TARS2: variants seen among roughly 807,000 people sequenced by gnomAD.
TARS2 encodes threonyl-tRNA synthetase 2, mitochondrial, also known as threonine--tRNA ligase, mitochondrial.
Under a neutral mutation model 94.4 loss-of-function variants are expected in TARS2, and 61 were observed. The ratio of observed to expected loss-of-function variants is 0.65; its 90% CI spans 0.53 to 0.80. TARS2 has a LOEUF of 0.80. Among genes scored for constraint, TARS2 ranks in the 30% least tolerant of loss-of-function variants. The pLI is 0.00. For missense variants in TARS2, 704 were observed against 902.5 expected, an observed-to-expected ratio of 0.78 and a Z score of 2.82; for synonymous variants, 359 against 353.4, an observed-to-expected ratio of 1.02 and a Z score of -0.18.
chr1:150,507,129 C>T lies in TARS2; in HGVS notation c.*65C>T, dbSNP rs114293104. On this transcript the variant is annotated 3_prime_UTR_variant, in exon 18 of 18. Transcript: ENST00000369064. ...TCAGCCTCCCTCACATGGGAGACCC[C>T]AACCCAGCTGACAATGTGGAGCCCC... 31,569 of 1,593,442 alleles carry T rather than the reference C, an allele frequency of 0.02. 356 individuals are homozygous for T. Among genetic ancestry groups the T allele is most frequent in the Non-Finnish European group, 0.024 (27,785 of 1,167,818 alleles).
In TARS2 at chr1:150,487,478, C is replaced by A; in HGVS notation, c.28C>A (p.Leu10Ile). Residue 10 changes from leucine (L) to isoleucine (I), a missense_variant, in exon 1 of 18, where the codon CTC (leucine) becomes ATC (isoleucine). Around this residue, in one of 3 missense-constraint regions of TARS2, gnomAD observed 208 missense variants for 228.5 expected, o/e 0.91. Transcript: ENST00000369064. MALYQRWRC[L>I]RLQGLQACRL... is the part of the protein sequence containing the mutation. The stretch of plus-strand genomic sequence containing the variant: ...GGCCCTGTATCAGAGGTGGCGGTGT[C>A]TCCGGCTCCAAGGTTTACAGGCTTG... 6.2e-7 allele frequency: 1 copy of A among 1,614,242 alleles called. No individual in the cohort carries two copies. The highest frequency in any genetic ancestry group is 8.5e-7 in the Non-Finnish European group (1 of 1,180,046).
At chr1:150,504,499 G>T in intron 14 of TARS2, 64 bp downstream of exon 14, 1 of 1,596,010 alleles carries the variant, frequency 6.3e-7, no homozygotes, top group East Asian at 2.2e-5. Flanking sequence ...TTCTGCCTTT[G>T]GCCCTAAAAA....
chr1:150,501,351 T>C (rs1669911404), intron 13 of TARS2, among the ~76,000 whole-genome samples: 1 of 132,942 alleles, frequency 7.5e-6, no homozygotes, highest in African/African-American at 2.8e-5. Context: ...TATGTCTCGC[T>C]CTGCTGCCCA....
intron 7 of TARS2, among the ~76,000 whole-genome samples, chr1:150,493,378 G>A (rs972304488): frequency 2.0e-5 from 3 of 152,128 alleles, no homozygotes; most frequent in Non-Finnish European, 2.9e-5. Flanking sequence ...AAGGGTTGTA[G>A]AGAGAGGGGG....
rs763969639 is a variant in TARS2 at position 150,504,618 on chromosome 1, T to C, written c.1719-14T>C. On this transcript the variant is annotated splice_polypyrimidine_tract_variant and intron_variant, in intron 14 of 17. Transcript: ENST00000369064. ...TTCCACCATTCCATCCACCCCCCCC[T>C]TTTTCCTTTCAAGGCAGGCGGGTGC... 23 of 1,581,934 alleles carry C rather than the reference T, an allele frequency of 1.5e-5. No individual in the cohort carries two copies. The highest frequency in any genetic ancestry group is 1.8e-5 in the Non-Finnish European group (21 of 1,153,216).
rs376778209 is a variant in TARS2 at position 150,498,985 on chromosome 1, G to A, written c.1490G>A (p.Arg497Gln). 10 of 1,614,142 alleles carry A rather than the reference G, an allele frequency of 6.2e-6. No individual in the cohort carries two copies. The highest frequency in any genetic ancestry group is 4.0e-5 in the African/African-American group (3 of 75,012). The change falls in exon 12 of 18, where the codon CGG (arginine) becomes CAG (glutamine). Residue 497 changes from arginine (R) to glutamine (Q), a missense_variant. By Grantham distance (43) the Arg-to-Gln change is conservative. This residue lies in a region of TARS2 where 466 missense variants were observed against 609.5 expected (regional missense o/e 0.76). Coordinates refer to ENST00000369064, the MANE Select transcript of TARS2 (RefSeq NM_025150.5). ...GFSFRLALST[R>Q]PSGFLGDPCL... ...TCCTTCCGCCTGGCACTGTCCACCC[G>A]GCCATCTGGCTTCCTGGGGGACCCT...
chr1:150,501,364 C>A (rs1669912250), intron 13 of TARS2, among the ~76,000 whole-genome samples: 2 of 121,262 alleles, frequency 1.6e-5, no homozygotes, highest in African/African-American at 3.2e-5. Context: ...GCTGCCCAGG[C>A]TGGAGTGCAG....
chr1:150,501,174 C>T (rs1011795036), intron 13 of TARS2, among the ~76,000 whole-genome samples: 2 of 151,758 alleles, frequency 1.3e-5, no homozygotes, highest in Admixed American at 1.3e-4. Flanking sequence ...TGTGCAGTGG[C>T]CCCCTCTTGT....
Position 150,490,716 on chromosome 1 carries a change from G to C in TARS2, c.503G>C (p.Gly168Ala), listed in dbSNP as rs748090536. Residue 168 changes from glycine (G) to alanine (A), a missense_variant, in exon 4 of 18, where the codon GGA becomes GCA. Transcript: ENST00000369064. ...GGCTTTTACCATGATTTCTTCCTGG[G>C]AAAGGAGAGGTGAGTAATGAAAGGA... is the stretch of plus-strand genomic sequence containing the variant. Reference protein sequence around the residue: ...EYGFYHDFFLGKERTIRGSEL... With the variant: ...EYGFYHDFFLAKERTIRGSEL... 1 of 1,613,740 alleles carries C rather than the reference G, an allele frequency of 6.2e-7. No individual in the cohort carries two copies. The highest frequency in any genetic ancestry group is 8.5e-7 in the Non-Finnish European group (1 of 1,179,966).
chr1:150,490,466 G>C (rs1669333076), intron 3 of TARS2, 135 bp from the exon 4 acceptor site: 1 of 1,345,270 alleles, frequency 7.4e-7, no homozygotes, highest in South Asian at 1.5e-5. Context: ...CAAAATCTAG[G>C]ATCCCCATTT....
chr1:150,504,869 G>C (rs746546193), intron 15 of TARS2, 37 bp from the exon 16 acceptor site: 5 of 1,613,300 alleles, frequency 3.1e-6, no homozygotes, highest in South Asian at 1.1e-5. Flanking sequence ...CAGAGCCAGA[G>C]TGACTAATTT....
At position 150,499,284 on chromosome 1, in the gene TARS2, T is replaced by C. The variant is rs746931946; in HGVS notation, c.1608T>C (p.Tyr536=). The change falls in exon 13 of 18, where the codon TAT becomes TAC. Residue 536 remains tyrosine (Y), a synonymous_variant. Transcript: ENST00000369064. ...WDLNSGDGAF[Y]GPKIDVHLHD... is the part of the protein sequence containing the mutation. ...TCAACTCTGGAGATGGTGCCTTCTA[T>C]GGACCTAAGGTAAGCTTGGGACCCT... is the stretch of plus-strand genomic sequence containing the variant. 2.5e-6 allele frequency: 4 copies of C among 1,614,192 alleles called. No homozygotes were observed. Among genetic ancestry groups the C allele is most frequent in the Non-Finnish European group, 1.7e-6 (2 of 1,180,040 alleles).
At chr1:150,496,448 CATCTTTCCTT>C (rs1560249851) in intron 7 of TARS2, 24 bp from the exon 8 acceptor site, 1 of 1,573,328 alleles carries the variant, frequency 6.4e-7, no homozygotes, top group African/African-American at 1.4e-5. Flanking sequence ...CTTCAGTCCT[CATCTTTCCTT>C]TGATCCCCTA....
chr1:150,507,032 A>C lies in TARS2; in HGVS notation c.2125A>C (p.Thr709Pro). The C allele has an allele frequency of 6.2e-7, 1 of 1,614,126 alleles. No individual in the cohort carries two copies. The highest frequency in any genetic ancestry group is 2.2e-5 in the East Asian group (1 of 44,868). ...GCAGCGACTGGTGGAGCTACAGAACACGAGGGTCCCAAATGCCGAAGAAAT... is the reference window on the plus strand; with the variant it reads ...GCAGCGACTGGTGGAGCTACAGAACCCGAGGGTCCCAAATGCCGAAGAAAT... ...AVQRLVELQN[T>P]RVPNAEEIF The change falls in exon 18 of 18, where the codon ACG becomes CCG. Residue 709 changes from threonine to proline, a missense_variant. Physicochemically the swap from Thr to Pro is conservative, Grantham distance 38. Coordinates refer to ENST00000369064, the MANE Select transcript of TARS2 (RefSeq NM_025150.5).
At position 150,505,712 on chromosome 1, in the gene TARS2, T is replaced by C. The variant is rs1670169904; in HGVS notation, c.2008+7T>C. ...CACTACAATTTTCAGTTTGGTAAGC[T>C]GAACCTCAGAGCCAATGTTCTCCCA... is the stretch of plus-strand genomic sequence containing the variant. On this transcript the variant is annotated splice_region_variant and intron_variant, in intron 17 of 17. Transcript: ENST00000369064. The C allele has an allele frequency of 8.1e-6, 13 of 1,612,016 alleles. No homozygotes were observed. Among genetic ancestry groups the C allele is most frequent in the Non-Finnish European group, 1.1e-5 (13 of 1,178,868 alleles).
At chr1:150,492,048 C>G in intron 6 of TARS2, 1 of 266,682 alleles carries the variant, frequency 3.7e-6, no homozygotes, top group South Asian at 4.3e-5. Context: ...CTCACTGCAT[C>G]TCTGCCTCCC....
rs587742732 is a variant in TARS2 at position 150,494,819 on chromosome 1, C to T, written c.775-1663C>T. Among the ~76,000 whole-genome samples the T allele has an allele frequency of 1.2e-4, 19 of 152,160 alleles. No homozygotes were observed. The East Asian group carries it at 1.4e-3, about 11-fold the overall frequency. On this transcript the variant is annotated intron_variant, in intron 7 of 17. Coordinates refer to ENST00000369064, the MANE Select transcript of TARS2 (RefSeq NM_025150.5). ...TTGGGAGGCTGAGGCGAGTGAATCACGAGGTCCAGAGATCGAGACCATCCT... is the reference window on the plus strand; with the variant it reads ...TTGGGAGGCTGAGGCGAGTGAATCATGAGGTCCAGAGATCGAGACCATCCT...
chr1:150,502,480 G>A (rs1466074144), intron 13 of TARS2, among the ~76,000 whole-genome samples: 4 of 151,758 alleles, frequency 2.6e-5, no homozygotes, highest in Non-Finnish European at 4.4e-5. Context: ...CCACCTCCTG[G>A]GTTCAAGCGA....
In TARS2 at chr1:150,498,601, G is replaced by GA; in HGVS notation, c.1338_1339insA (p.Gly447ArgfsTer12). 4 of 1,612,494 alleles carry GA rather than the reference G, an allele frequency of 2.5e-6. No homozygotes were observed. The highest frequency in any genetic ancestry group is 3.4e-6 in the Non-Finnish European group (4 of 1,179,562). On this transcript the variant is annotated frameshift_variant, in exon 11 of 18. Coordinates refer to ENST00000369064, the MANE Select transcript of TARS2 (RefSeq NM_025150.5). LOFTEE classifies it high-confidence loss of function. ...GGGCCGAAGCCTCTGGTGGTCTGGG[G>GA]GGACTGACCCGACTGCGGTGCTTCC...
Sources: gnomAD v4.1 joint callset for allele counts (sites outside exome capture counted in the v4.1 genomes callset) on GRCh38, gnomAD v4.1.1 for gene constraint, gnomAD v4.1.1 regional missense constraint, MANE v1.5 for transcripts, NCBI Gene and HGNC (gene_info 2026-07-23, HGNC 2026-07-21) for gene names.